The following TYW1B variants were observed in gnomAD, a reference collection of about 807,000 sequenced individuals.
The protein encoded by TYW1B is S-adenosyl-L-methionine-dependent tRNA 4-demethylwyosine synthase TYW1B.
Under a neutral mutation model 86.9 loss-of-function variants are expected in TYW1B, and 73 were observed. The observed-to-expected ratio is 0.84, with a 90% CI of 0.70 to 1.02. TYW1B has a LOEUF of 1.02. Among genes scored for constraint, TYW1B ranks in the 50% least tolerant of loss-of-function variants. The pLI is 0.00. For synonymous variants in TYW1B, 248 were observed against 292.8 expected (o/e 0.85, Z 1.56); for missense variants, 637 against 827.4 (o/e 0.77, Z 2.82).
At chr7:72,692,226 A>AAAG (rs1563060694) in intron 11 of TYW1B, among the ~76,000 whole-genome samples, 7 of 150,944 alleles carry the variant, frequency 4.6e-5, no homozygotes, top group Middle Eastern at 3.4e-3. Context: ...AAAAAAAAAA[A>AAAG]AAGAAGAAAG....
At chr7:72,607,694 G>C (rs1811836343) in intron 13 of TYW1B, among the ~76,000 whole-genome samples, 1 of 151,892 alleles carries the variant, frequency 6.6e-6, no homozygotes, top group Admixed American at 6.6e-5. Flanking sequence ...CAAAGCCTCA[G>C]ATACCTGTGG....
chr7:72,619,871 C>G (rs1554437659), intron 12 of TYW1B, among the ~76,000 whole-genome samples: 1 of 152,080 alleles, frequency 6.6e-6, no homozygotes, highest in Non-Finnish European at 1.5e-5. Flanking sequence ...AGTTAGTTCA[C>G]TGAATCAGAG....
chr7:72,816,905 G>A (rs1213126583), intron 2 of TYW1B, among the ~76,000 whole-genome samples: 2 of 152,038 alleles, frequency 1.3e-5, no homozygotes, highest in African/African-American at 4.8e-5. Flanking sequence ...CCATTCGGCC[G>A]TTCCTGAGTT....
At chr7:72,775,583 TG>T (rs1787940071) in intron 7 of TYW1B, among the ~76,000 whole-genome samples, 2 of 152,152 alleles carry the variant, frequency 1.3e-5, no homozygotes, top group African/African-American at 2.4e-5. Flanking sequence ...AAAAAATTAC[TG>T]AACTTGAAGA....
chr7:72,622,772 C>T (rs1189440720), intron 12 of TYW1B, among the ~76,000 whole-genome samples: 2 of 151,404 alleles, frequency 1.3e-5, no homozygotes, highest in Non-Finnish European at 3.0e-5. Context: ...CACACACATG[C>T]ACGCACACAA....
intron 2 of TYW1B, among the ~76,000 whole-genome samples, chr7:72,820,050 G>A (rs1324535746): frequency 2.6e-5 from 4 of 152,102 alleles, no homozygotes; most frequent in Non-Finnish European, 4.4e-5. Context: ...CAAGATGGGT[G>A]GATTACCTGA....
intron 11 of TYW1B, among the ~76,000 whole-genome samples, chr7:72,661,163 T>C (rs1226735430): frequency 1.5e-5 from 2 of 136,446 alleles, no homozygotes; most frequent in African/African-American, 5.6e-5. Flanking sequence ...AGAAGAAGAA[T>C]ATAATGGGAG....
chr7:72,753,854 A>G (rs915704385), intron 7 of TYW1B, among the ~76,000 whole-genome samples: 11 of 152,128 alleles, frequency 7.2e-5, no homozygotes, highest in Non-Finnish European at 1.2e-4. Context: ...TTTAGACATA[A>G]TGCTATTGCA....
At chr7:72,649,404 C>T (rs1416144709) in intron 11 of TYW1B, among the ~76,000 whole-genome samples, 6 of 152,108 alleles carry the variant, frequency 3.9e-5, no homozygotes, top group Admixed American at 3.3e-4. Context: ...GAATACTAAA[C>T]AGAAATAAGA....
At chr7:72,716,613 G>A (rs1563069853) in intron 9 of TYW1B, among the ~76,000 whole-genome samples, 2 of 146,886 alleles carry the variant, frequency 1.4e-5, no homozygotes, top group African/African-American at 5.0e-5. Flanking sequence ...GCCAGTGAAC[G>A]AGACATAGGG....
At chr7:72,587,180 G>C (rs1230848504) in intron 13 of TYW1B, among the ~76,000 whole-genome samples, 1 of 152,144 alleles carries the variant, frequency 6.6e-6, no homozygotes, top group Non-Finnish European at 1.5e-5. Flanking sequence ...TGGGAGTAGA[G>C]GAAGTCCAGG....
At chr7:72,805,595 C>A (rs1447463898) in intron 5 of TYW1B, among the ~76,000 whole-genome samples, 2 of 145,392 alleles carry the variant, frequency 1.4e-5, no homozygotes, top group Non-Finnish European at 3.0e-5. Context: ...CTGGGGGTGA[C>A]AGAATGAGAC....
intron 11 of TYW1B, among the ~76,000 whole-genome samples, chr7:72,676,768 G>C (rs1813745100): frequency 1.3e-5 from 2 of 152,170 alleles, no homozygotes; most frequent in South Asian, 4.1e-4. Context: ...AGACCAGCCT[G>C]GCCAATATGG....
chr7:72,746,962 T>C (rs1167202177), intron 7 of TYW1B, among the ~76,000 whole-genome samples: 1 of 152,236 alleles, frequency 6.6e-6, no homozygotes, highest in Non-Finnish European at 1.5e-5. Context: ...AATTTTTATA[T>C]AAGGTGTGAG....
chr7:72,729,807 AC>A (rs1368258271), intron 8 of TYW1B, among the ~76,000 whole-genome samples: 1 of 151,844 alleles, frequency 6.6e-6, no homozygotes, highest in South Asian at 2.1e-4. Context: ...TGAAGACACT[AC>A]CCCCATAAGC....
chr7:72,754,756 C>T (rs1009669943), intron 7 of TYW1B, among the ~76,000 whole-genome samples: 2 of 152,112 alleles, frequency 1.3e-5, no homozygotes, highest in Non-Finnish European at 2.9e-5. Context: ...TCTGTTAAAG[C>T]TAAACTTACC....
At chr7:72,821,359 C>A (rs1314285755) in intron 2 of TYW1B, among the ~76,000 whole-genome samples, 16 of 152,254 alleles carry the variant, frequency 1.1e-4, no homozygotes, top group Non-Finnish European at 1.2e-4. Flanking sequence ...ACAAAAAATA[C>A]TACTGCAAGG....
chr7:72,664,840 C>T (rs187613582), intron 11 of TYW1B, among the ~76,000 whole-genome samples: 124 of 152,186 alleles, frequency 8.1e-4, no homozygotes, highest in African/African-American at 2.7e-3. Context: ...ACCTCATGGA[C>T]GGCAAAATCC....
intron 13 of TYW1B, among the ~76,000 whole-genome samples, chr7:72,610,852 T>G (rs1185448235): frequency 6.6e-6 from 1 of 152,156 alleles, no homozygotes. Flanking sequence ...CCAGACAACT[T>G]TTTCTGAAAC....
Sources: allele counts gnomAD v4.1 joint callset (sites outside exome capture counted in the v4.1 genomes callset), GRCh38; gene constraint gnomAD v4.1.1; transcripts MANE v1.5; gene names NCBI Gene and HGNC (gene_info 2026-07-23, HGNC 2026-07-21).